HS3ST1: variants seen among roughly 807,000 people sequenced by gnomAD.
The protein encoded by HS3ST1 is heparan sulfate glucosamine 3-O-sulfotransferase 1.
In HS3ST1, 8 loss-of-function variants were observed where a neutral mutation model predicts 20.7. The observed-to-expected ratio is 0.39, with a 90% CI of 0.23 to 0.70. The LOEUF is 0.70. Ranked by LOEUF, HS3ST1 falls within the 30% of genes least tolerant of loss-of-function variation. The pLI is 0.46. For synonymous variants in HS3ST1, 205 were observed against 190.4 expected (o/e 1.08, Z -0.63); for missense variants, 436 against 423.4 (o/e 1.03, Z -0.26).
At chr4:11,402,853 A>G (rs1718362078) in intron 1 of HS3ST1, among the ~76,000 whole-genome samples, 1 of 152,212 alleles carries the variant, frequency 6.6e-6, no homozygotes, top group African/African-American at 2.4e-5. Flanking sequence ...TTCTTTCCTG[A>G]AGGAGAATTA....
chr4:11,412,176 AAAGCACCAGGGT>A (rs1443413280), intron 1 of HS3ST1, among the ~76,000 whole-genome samples: 4 of 152,208 alleles, frequency 2.6e-5, no homozygotes, highest in Non-Finnish European at 5.9e-5. Context: ...CGAAAGGGCC[AAAGCACCAGGGT>A]AAATAGGGTG....
At chr4:11,425,869 C>G (rs1013848577) in intron 1 of HS3ST1, among the ~76,000 whole-genome samples, 2 of 152,156 alleles carry the variant, frequency 1.3e-5, no homozygotes, top group African/African-American at 4.8e-5. Flanking sequence ...AGCTAGCACT[C>G]TCCTGCCTTC....
At chr4:11,403,716 T>C (rs1001966074) in intron 1 of HS3ST1, among the ~76,000 whole-genome samples, 2 of 152,212 alleles carry the variant, frequency 1.3e-5, no homozygotes, top group African/African-American at 4.8e-5. Flanking sequence ...ACACAGGGTA[T>C]GTGTAGTACA....
upstream of HS3ST1, among the ~76,000 whole-genome samples, chr4:11,432,591 T>G (rs1719226299): frequency 6.6e-6 from 1 of 152,198 alleles, no homozygotes; most frequent in African/African-American, 2.4e-5. Flanking sequence ...AATGCCACTA[T>G]CCACAGAGCC....
Position 11,400,010 on chromosome 4 carries a change from G to T in HS3ST1, c.-5C>A, listed in dbSNP as rs887161959. 1 of 1,503,068 alleles carries T rather than the reference G, an allele frequency of 6.7e-7. No homozygotes were observed. The highest frequency in any genetic ancestry group is 1.4e-5 in the African/African-American group (1 of 72,366). The allele number at this position is 1,503,068 out of a possible 1,614,324, so 93.1% of individuals were successfully genotyped here. ...GCCCAGGAGCAGCGCGGCCATGCTG[G>T]ACACCACGGTGGCTTCACTGGGCCG... On this transcript the variant is annotated 5_prime_UTR_variant, in exon 2 of 2. Coordinates refer to ENST00000002596, the MANE Select transcript of HS3ST1 (RefSeq NM_005114.4).
chr4:11,400,691 T>G (rs751077311), intron 1 of HS3ST1, among the ~76,000 whole-genome samples: 4 of 152,206 alleles, frequency 2.6e-5, no homozygotes, highest in Non-Finnish European at 4.4e-5. Flanking sequence ...GCCCCCACTC[T>G]TCCAGCCAGG....
intron 1 of HS3ST1, among the ~76,000 whole-genome samples, chr4:11,402,112 A>G (rs1718342917): frequency 6.6e-6 from 1 of 152,218 alleles, no homozygotes; most frequent in African/African-American, 2.4e-5. Context: ...ATTAGTTTAA[A>G]ACTTGTCCAG....
At chr4:11,406,449 C>T (rs1161746715) in intron 1 of HS3ST1, among the ~76,000 whole-genome samples, 1 of 152,080 alleles carries the variant, frequency 6.6e-6, no homozygotes, top group African/African-American at 2.4e-5. Flanking sequence ...ATGACCCATG[C>T]CAAATACACG....
chr4:11,425,936 G>A (rs759842948), intron 1 of HS3ST1, among the ~76,000 whole-genome samples: 7 of 134,748 alleles, frequency 5.2e-5, no homozygotes, highest in African/African-American at 1.0e-4. Flanking sequence ...GCCAGGTTGA[G>A]GGGAAAAAAA....
At chr4:11,417,958 A>G (rs187228850) in intron 1 of HS3ST1, among the ~76,000 whole-genome samples, 8 of 152,332 alleles carry the variant, frequency 5.3e-5, no homozygotes, top group Admixed American at 2.0e-4. Flanking sequence ...CACTGCTTCA[A>G]ATGTCTTTGT....
chr4:11,431,310 A>G (rs1333590871), upstream of HS3ST1, among the ~76,000 whole-genome samples: 1 of 151,952 alleles, frequency 6.6e-6, no homozygotes, highest in Non-Finnish European at 1.5e-5. Flanking sequence ...TTTCCCTTTC[A>G]AAGCCGTGGG....
At chr4:11,420,318 G>T (rs919159569) in intron 1 of HS3ST1, among the ~76,000 whole-genome samples, 1 of 152,200 alleles carries the variant, frequency 6.6e-6, no homozygotes, top group Non-Finnish European at 1.5e-5. Context: ...GCCCTCCTCA[G>T]AACGTCATGC....
intron 1 of HS3ST1, among the ~76,000 whole-genome samples, chr4:11,412,071 G>C (rs1019710701): frequency 6.6e-6 from 1 of 152,182 alleles, no homozygotes; most frequent in African/African-American, 2.4e-5. Context: ...TTTTGTAACC[G>C]TCAGACTTCC....
At chr4:11,423,950 A>G (rs1031645460) in intron 1 of HS3ST1, among the ~76,000 whole-genome samples, 3 of 150,790 alleles carry the variant, frequency 2.0e-5, no homozygotes, top group African/African-American at 7.3e-5. Flanking sequence ...TTTGGCCCAC[A>G]TGGTGTTATT....
Position 11,398,680 on chromosome 4 carries a change from A to T in HS3ST1, c.*402T>A, listed in dbSNP as rs1215338446. On this transcript the variant is annotated 3_prime_UTR_variant, in exon 2 of 2. Transcript: ENST00000002596. Reference sequence around the variant, plus strand: ...GGGGAGAGAGAGGATTGTAATAGCCATGAAAAACATGTTTTTTTAAGTAAC... The same window carrying T: ...GGGGAGAGAGAGGATTGTAATAGCCTTGAAAAACATGTTTTTTTAAGTAAC... 1 of 155,464 alleles carries T rather than the reference A, an allele frequency of 6.4e-6. No homozygotes were observed. Among genetic ancestry groups the T allele is most frequent in the Non-Finnish European group, 1.4e-5 (1 of 70,474 alleles). The allele number at this position is 155,464 out of a possible 1,614,324, so 9.6% of individuals were successfully genotyped here. A position where few individuals can be genotyped will look rare whatever the true frequency, so the allele number is the denominator to read the frequency against.
intron 1 of HS3ST1, among the ~76,000 whole-genome samples, chr4:11,409,497 ACTCT>A (rs985066502): frequency 6.6e-6 from 1 of 152,046 alleles, no homozygotes; most frequent in African/African-American, 2.4e-5. Context: ...AACAGAGCTC[ACTCT>A]GTCTCTCTCT....
At chr4:11,418,572 A>G (rs976961421) in intron 1 of HS3ST1, among the ~76,000 whole-genome samples, 2 of 152,166 alleles carry the variant, frequency 1.3e-5, no homozygotes, top group African/African-American at 2.4e-5. Flanking sequence ...TGCGTGGCGA[A>G]TGGAGCTCTG....
intron 1 of HS3ST1, chr4:11,428,428 C>T (rs1052107911): frequency 6.6e-6 from 1 of 152,322 alleles, no homozygotes; most frequent in African/African-American, 2.4e-5. Flanking sequence ...ACATCCAACC[C>T]AGTAAGAGTC....
At chr4:11,411,478 T>C (rs912400705) in intron 1 of HS3ST1, among the ~76,000 whole-genome samples, 3 of 152,230 alleles carry the variant, frequency 2.0e-5, no homozygotes, top group African/African-American at 7.2e-5. Flanking sequence ...AATTAGTATC[T>C]CATTTGCCTC....
Sources: allele counts gnomAD v4.1 joint callset (sites outside exome capture counted in the v4.1 genomes callset), GRCh38; gene constraint gnomAD v4.1.1; transcripts MANE v1.5; gene names NCBI Gene and HGNC (gene_info 2026-07-23, HGNC 2026-07-21).